The following TENM4 variants were observed in gnomAD, a reference collection of about 807,000 sequenced individuals.
TENM4 encodes teneurin-4.
TENM4 carries 82 observed loss-of-function variants against 243.3 expected under a neutral mutation model. That is an observed-to-expected ratio of 0.34 (90% CI 0.28 to 0.40). The LOEUF is 0.40. TENM4 is among the 10% of genes least tolerant of loss of function. The pLI is 1.00. For missense variants in TENM4, 3,138 were observed against 3,673.3 expected (o/e 0.85, Z 3.77); for synonymous variants, 1,412 against 1,456.3 (o/e 0.97, Z 0.69).
At position 78,669,064 on chromosome 11, in the gene TENM4, G is replaced by A. The variant is rs1370672649; in HGVS notation, c.7281C>T (p.Arg2427=). Residue 2427 remains arginine (R), a synonymous_variant, in exon 32 of 34, where the codon CGC becomes CGT. Coordinates refer to ENST00000278550, the MANE Select transcript of TENM4 (RefSeq NM_001098816.3). This position sits in a 1 kb window ranked among gnomAD's most constrained non-coding sequence, Gnocchi z 6.4. ...ACAGCTCGTGGTCTGGGCTAGTCCA[G>A]CGTCCGGCCAGCACATCATAATCTC... ...GRRDYDVLAG[R]WTSPDHELWK... The A allele has an allele frequency of 1.2e-6, 2 of 1,613,828 alleles. No individual in the cohort carries two copies. The highest frequency in any genetic ancestry group is 4.5e-5 in the East Asian group (2 of 44,894).
chr11:78,880,488 A>AAGAAAAAAAAAAAAAAAAG (rs1859406566), intron 9 of TENM4, among the ~76,000 whole-genome samples: 1 of 113,000 alleles, frequency 8.8e-6, no homozygotes, highest in Non-Finnish European at 1.9e-5. Flanking sequence ...AAAAAAAAAA[A>AAGAAAAAAAAAAAAAAAAG]AGAAAGAAAA....
Position 78,669,233 on chromosome 11 carries a change from CT to C in TENM4, c.7111del (p.Ser2371ValfsTer5). 1 of 1,613,974 alleles carries C rather than the reference CT, an allele frequency of 6.2e-7. No individual in the cohort carries two copies. The highest frequency in any genetic ancestry group is 8.5e-7 in the Non-Finnish European group (1 of 1,179,896). On this transcript the variant is annotated frameshift_variant, in exon 32 of 34. Transcript: ENST00000278550. LOFTEE classifies it high-confidence loss of function. The surrounding 1 kb of genome is among the most constrained non-coding windows in gnomAD (Gnocchi z 6.4). ...DNIGTPLAVF[S>X]GTGLMIKQIL... ...TTGCTTGATCATCAAACCTGTTCCA[CT>C]AAAGACAGCAAGAGGGGTCCCGATG...
intron 9 of TENM4, among the ~76,000 whole-genome samples, chr11:78,879,396 C>T: frequency 6.6e-6 from 1 of 151,440 alleles, no homozygotes. Context: ...GCCGCCCTGT[C>T]TGGGAGGTGG....
rs550844437 is a variant in TENM4 at position 79,188,245 on chromosome 11, G to A, written c.-163+27563C>T. 3.3e-5 allele frequency among the ~76,000 whole-genome samples: 5 copies of A among 152,306 alleles called. No homozygotes were observed. The East Asian group carries it at 5.8e-4, about 18-fold the overall frequency. ...TGGGAATTTGGGGAAACAAGAAACC[G>A]AAGACTAGGAATTGAGAAGAGAAGT... On this transcript the variant is annotated intron_variant, in intron 3 of 33. Coordinates refer to ENST00000278550, the MANE Select transcript of TENM4 (RefSeq NM_001098816.3).
intron 4 of TENM4, among the ~76,000 whole-genome samples, chr11:79,137,012 G>C (rs1408715640): frequency 6.6e-6 from 1 of 152,120 alleles, no homozygotes; most frequent in African/African-American, 2.4e-5. Flanking sequence ...TTCTCCCATA[G>C]CCAGGATTCA....
chr11:78,838,904 C>T (rs1858185288), intron 12 of TENM4, among the ~76,000 whole-genome samples: 1 of 152,166 alleles, frequency 6.6e-6, no homozygotes, highest in Non-Finnish European at 1.5e-5. Flanking sequence ...TTTGCAGACT[C>T]GGGTTACATT....
chr11:78,899,541 GC>G (rs1406703324), intron 7 of TENM4, among the ~76,000 whole-genome samples: 4 of 116,036 alleles, frequency 3.4e-5, no homozygotes, highest in African/African-American at 1.3e-4. Flanking sequence ...TCATGCCACT[GC>G]ACTCTGTCTC....
At chr11:79,374,807 G>A (rs1008569056) in intron 1 of TENM4, among the ~76,000 whole-genome samples, 17 of 152,066 alleles carry the variant, frequency 1.1e-4, no homozygotes, top group African/African-American at 4.1e-4. Flanking sequence ...TTACTACAGT[G>A]AAGTTTTAAC....
At chr11:78,975,483 T>C (rs111902973) in intron 6 of TENM4, among the ~76,000 whole-genome samples, 172 of 152,070 alleles carry the variant, frequency 1.1e-3, no homozygotes, top group African/African-American at 4.0e-3. Context: ...GGTCACAGAG[T>C]GCTCTCTTCA....
At chr11:79,009,737 A>G (rs1274995900) in intron 6 of TENM4, among the ~76,000 whole-genome samples, 2 of 152,174 alleles carry the variant, frequency 1.3e-5, no homozygotes, top group African/African-American at 4.8e-5. Flanking sequence ...GGGGAAAGTT[A>G]GTGGCAGGGC....
chr11:79,159,398 C>T (rs1179636742), intron 3 of TENM4, among the ~76,000 whole-genome samples: 2 of 152,172 alleles, frequency 1.3e-5, no homozygotes, highest in Non-Finnish European at 2.9e-5. Context: ...AAACTGAAAT[C>T]TAAGGATTAA....
At chr11:78,918,790 G>A (rs1433459793) in intron 6 of TENM4, among the ~76,000 whole-genome samples, 3 of 152,268 alleles carry the variant, frequency 2.0e-5, no homozygotes, top group African/African-American at 4.8e-5. Flanking sequence ...ATAAGGAAGT[G>A]CGAGAAATAA....
chr11:79,386,084 T>C (rs894981286), intron 1 of TENM4, among the ~76,000 whole-genome samples: 3 of 152,230 alleles, frequency 2.0e-5, no homozygotes, highest in Admixed American at 6.5e-5. Flanking sequence ...CCTGAAACTT[T>C]AACTGCAGGA....
chr11:78,796,782 A>G (rs528235328), intron 15 of TENM4, among the ~76,000 whole-genome samples: 61 of 152,328 alleles, frequency 4.0e-4, no homozygotes, highest in Non-Finnish European at 3.4e-4. Context: ...TCTTTCCTAG[A>G]AAATGCCTTG....
At chr11:79,086,797 G>T (rs1466279713) in intron 4 of TENM4, among the ~76,000 whole-genome samples, 7 of 134,352 alleles carry the variant, frequency 5.2e-5, no homozygotes, top group African/African-American at 2.0e-4. Flanking sequence ...TCATTCCATT[G>T]CACTCCAGCC....
At chr11:78,835,662 C>T (rs1858087506) in intron 12 of TENM4, among the ~76,000 whole-genome samples, 1 of 152,194 alleles carries the variant, frequency 6.6e-6, no homozygotes, top group South Asian at 2.1e-4. Flanking sequence ...AACCGATCCC[C>T]CCTTCTCACC....
chr11:79,021,864 T>A (rs1238724218), intron 6 of TENM4: 1 of 152,184 alleles, frequency 6.6e-6, no homozygotes, highest in East Asian at 1.9e-4. Context: ...TGCCATGACT[T>A]CAGCATACTG....
Position 78,675,063 on chromosome 11 carries a change from C to T in TENM4, c.5496+1089G>A, listed in dbSNP as rs182202532. On this transcript the variant is annotated intron_variant, in intron 30 of 33. Transcript: ENST00000278550. ...TGTATTTTTAGTAGAGATGAAGTTT[C>T]ACCGTGTTGGCCAGGCTGGTCTCGA... 2.3e-3 allele frequency among the ~76,000 whole-genome samples: 350 copies of T among 152,168 alleles called. 1 individual carries two copies. Among genetic ancestry groups the T allele is most frequent in the Admixed American group, 5.4e-3 (82 of 15,280 alleles).
chr11:79,343,625 G>A (rs1371895281), intron 1 of TENM4, among the ~76,000 whole-genome samples: 7 of 151,536 alleles, frequency 4.6e-5, no homozygotes, highest in Non-Finnish European at 8.8e-5. Flanking sequence ...TGCTTAATAT[G>A]GTCTAAAGAA....
Sources: gnomAD v4.1 joint callset for allele counts (sites outside exome capture counted in the v4.1 genomes callset) on GRCh38, gnomAD v4.1.1 for gene constraint, Gnocchi (gnomAD v3.1) non-coding constraint, MANE v1.5 for transcripts, NCBI Gene and HGNC (gene_info 2026-07-23, HGNC 2026-07-21) for gene names.